YLPM1: variants seen among roughly 807,000 people sequenced by gnomAD.
YLPM1 encodes YLP motif containing 1, also known as YLP motif-containing protein 1.
Under a neutral mutation model 230.0 loss-of-function variants are expected in YLPM1, and 99 were observed. The ratio of observed to expected loss-of-function variants is 0.43; its 90% CI spans 0.37 to 0.51. YLPM1 has a LOEUF of 0.51. Ranked by LOEUF, YLPM1 falls within the 20% of genes least tolerant of loss-of-function variation. YLPM1 has a pLI of 0.00. For synonymous variants in YLPM1, 984 were observed against 942.5 expected, an observed-to-expected ratio of 1.04 and a Z score of -0.81; for missense variants, 2,592 against 2,707.7, an observed-to-expected ratio of 0.96 and a Z score of 0.95.
chr14:74,787,741 A>C (rs1320366919), intron 4 of YLPM1, among the ~76,000 whole-genome samples: 1 of 152,142 alleles, frequency 6.6e-6, no homozygotes, highest in African/African-American at 2.4e-5. Flanking sequence ...GGGGCCGGGC[A>C]TGGTGGCTCA....
intron 17 of YLPM1, among the ~76,000 whole-genome samples, chr14:74,822,467 T>C (rs1199531910): frequency 6.6e-6 from 1 of 152,174 alleles, no homozygotes; most frequent in Admixed American, 6.5e-5. Context: ...ATCAGAGTCA[T>C]GGCAAGGAGG....
Position 74,798,109 on chromosome 14 carries a change from G to C in YLPM1, c.2812G>C (p.Ala938Pro), listed in dbSNP as rs371751409. The C allele has an allele frequency of 6.2e-6, 10 of 1,613,802 alleles. No individual in the cohort carries two copies. In the African/African-American group the frequency reaches 1.2e-4, roughly 19 times the overall value. The change falls in exon 5 of 21, where the codon GCC becomes CCC. Residue 938 changes from alanine to proline, a missense_variant. This residue lies in a region of YLPM1 where 1,862 missense variants were observed against 1,819.8 expected (regional missense o/e 1.02). Coordinates refer to ENST00000325680, the MANE Select transcript of YLPM1 (RefSeq NM_019589.3). ...VQSMETQIDK[A>P]QAVTQPVPLA... is the part of the protein sequence containing the mutation. ...AAGTATGGAGACTCAAATCGACAAA[G>C]CCCAAGCTGTTACTCAGCCTGTACC...
chr14:74,778,055 A>T (rs756832637), intron 1 of YLPM1, among the ~76,000 whole-genome samples: 1 of 152,172 alleles, frequency 6.6e-6, no homozygotes. Context: ...CTGTTCAGTT[A>T]TATTCATTAA....
At position 74,835,930 on chromosome 14, in the gene YLPM1, C is replaced by A. The variant is rs910564406; in HGVS notation, c.*192C>A. On this transcript the variant is annotated 3_prime_UTR_variant, in exon 21 of 21. Transcript: ENST00000325680. ...AGAGGTATTAGAATCTTGCTGTACC[C>A]AAGCAAGACGTTAATTTTTCTTTTA... The A allele has an allele frequency of 6.6e-6, 3 of 451,446 alleles. No individual in the cohort carries two copies. Among genetic ancestry groups the A allele is most frequent in the Non-Finnish European group, 1.3e-5 (3 of 225,452 alleles). 28.0% of individuals were successfully genotyped at this position (451,446 alleles called of 1,614,324 possible).
intron 5 of YLPM1, 107 bp downstream of exon 5, chr14:74,799,804 T>A: frequency 7.1e-7 from 1 of 1,409,040 alleles, no homozygotes; most frequent in Non-Finnish European, 9.3e-7. Flanking sequence ...TTCAAGTTCT[T>A]ATCACATACT....
chr14:74,807,227 G>A (rs963088536), intron 6 of YLPM1, among the ~76,000 whole-genome samples: 1 of 151,906 alleles, frequency 6.6e-6, no homozygotes, highest in African/African-American at 2.4e-5. Context: ...GTATATTGTG[G>A]GCTCTCCAGG....
At chr14:74,788,892 T>A (rs1220895326) in intron 4 of YLPM1, among the ~76,000 whole-genome samples, 1 of 152,330 alleles carries the variant, frequency 6.6e-6, no homozygotes, top group East Asian at 1.9e-4. Context: ...TTACTTTTTC[T>A]TCTTTTATTT....
In YLPM1 at chr14:74,764,110, C is replaced by T. The variant is rs1462402910; in HGVS notation, c.621C>T (p.Tyr207=). The part of the protein sequence containing the change: ...SQSYLAPTPS[Y]SSSSSSSQSY... ...CCTACCTGGCGCCCACCCCTTCTTA[C>T]TCATCCTCCTCCTCTTCCTCGCAAT... The change falls in exon 1 of 21, where the codon TAC becomes TAT. Residue 207 remains tyrosine (Y), a synonymous_variant. Transcript: ENST00000325680. The T allele has an allele frequency of 1.9e-6, 3 of 1,613,414 alleles. No homozygotes were observed. The highest frequency in any genetic ancestry group is 1.3e-5 in the African/African-American group (1 of 74,728).
At chr14:74,767,678 G>T (rs2090926903) in intron 1 of YLPM1, among the ~76,000 whole-genome samples, 1 of 152,214 alleles carries the variant, frequency 6.6e-6, no homozygotes, top group Admixed American at 6.5e-5. Context: ...ACCTAGGTCA[G>T]TCCCTCCTAT....
chr14:74,820,462 G>C (rs1271003736), intron 16 of YLPM1, among the ~76,000 whole-genome samples: 1 of 151,992 alleles, frequency 6.6e-6, no homozygotes, highest in African/African-American at 2.4e-5. Flanking sequence ...TGCCCAGGCT[G>C]GTCTTGAACT....
Position 74,768,040 on chromosome 14 carries a change from T to A in YLPM1, c.873+3678T>A, listed in dbSNP as rs112041544. Among the ~76,000 whole-genome samples, 127 of 152,282 alleles carry A rather than the reference T, an allele frequency of 8.3e-4. 1 individual carries two copies. The highest frequency in any genetic ancestry group is 3.0e-3 in the African/African-American group (123 of 41,558). ...GAAAGACCTTGCCTAAGTAAATTAT[T>A]TCATTAGACAGAGGTTGCAACCTGG... On this transcript the variant is annotated intron_variant, in intron 1 of 20. Coordinates refer to ENST00000325680, the MANE Select transcript of YLPM1 (RefSeq NM_019589.3).
At chr14:74,775,928 A>C (rs1043849212) in intron 1 of YLPM1, among the ~76,000 whole-genome samples, 12 of 152,236 alleles carry the variant, frequency 7.9e-5, no homozygotes, top group Non-Finnish European at 1.6e-4. Flanking sequence ...GCCAGTAATA[A>C]GTTCCAATGT....
chr14:74,791,566 A>G lies in YLPM1; in HGVS notation c.2283-6014A>G, dbSNP rs573097961. On this transcript the variant is annotated intron_variant, in intron 4 of 20. Coordinates refer to ENST00000325680, the MANE Select transcript of YLPM1 (RefSeq NM_019589.3). ...TTCCCTTCTTGCCATTCTTTGCTTTATTTATTCCTATTTTTCCTGCCCTGG... is the reference window on the plus strand; with the variant it reads ...TTCCCTTCTTGCCATTCTTTGCTTTGTTTATTCCTATTTTTCCTGCCCTGG... Among the ~76,000 whole-genome samples, 11 of 152,176 alleles carry G rather than the reference A, an allele frequency of 7.2e-5. No homozygotes were observed. The East Asian group carries it at 2.1e-3, about 29-fold the overall frequency.
intron 1 of YLPM1, among the ~76,000 whole-genome samples, chr14:74,768,106 G>A (rs2090931692): frequency 6.6e-6 from 1 of 151,992 alleles, no homozygotes; most frequent in African/African-American, 2.4e-5. Flanking sequence ...GTTACTATAT[G>A]GAGTTATGTA....
At chr14:74,821,213 G>A (rs983200970) in intron 17 of YLPM1, 76 bp downstream of exon 17, 22 of 1,456,262 alleles carry the variant, frequency 1.5e-5, no homozygotes, top group Non-Finnish European at 2.0e-5. Flanking sequence ...TCAGATCTGT[G>A]GTTAGACAAC....
At position 74,798,532 on chromosome 14, in the gene YLPM1, C is replaced by T. The variant is rs374380781; in HGVS notation, c.3235C>T (p.Arg1079Trp). ...REKMNRGEGS[R>W]DRGLVRPGSS... is the part of the protein sequence containing the mutation. ...GAAGATGAACAGAGGAGAAGGTAGC[C>T]GGGACAGAGGGTTGGTGAGGCCTGG... The change falls in exon 5 of 21, where the codon CGG (arginine) becomes TGG (tryptophan). Residue 1079 changes from arginine (R) to tryptophan (W), a missense_variant. Physicochemically the swap from Arg to Trp is moderately radical, Grantham distance 101 (BLOSUM62 -3). Around this residue, in one of 4 missense-constraint regions of YLPM1, gnomAD observed 1,862 missense variants for 1,819.8 expected, o/e 1.02. Coordinates refer to ENST00000325680, the MANE Select transcript of YLPM1 (RefSeq NM_019589.3). The T allele has an allele frequency of 1.9e-4, 311 of 1,613,784 alleles. No individual in the cohort carries two copies. The highest frequency in any genetic ancestry group is 5.7e-4 in the Admixed American group (34 of 60,002).
Position 74,809,597 on chromosome 14 carries a change from A to C in YLPM1, c.4739A>C (p.Tyr1580Ser). The stretch of plus-strand genomic sequence containing the variant: ...GAACGATGGGATGAAGATTCTTTCT[A>C]TGGGCTCTGGGATACAAATGATGAA... ...EQERWDEDSFYGLWDTNDEQG... is the reference protein window; with the variant it reads ...EQERWDEDSFSGLWDTNDEQG... The change falls in exon 7 of 21, where the codon TAT becomes TCT. Residue 1580 changes from tyrosine to serine, a missense_variant. This residue lies in a region of YLPM1 where 403 missense variants were observed against 426.7 expected (regional missense o/e 0.94). Transcript: ENST00000325680. 1 of 1,613,750 alleles carries C rather than the reference A, an allele frequency of 6.2e-7. No individual in the cohort carries two copies. The highest frequency in any genetic ancestry group is 8.5e-7 in the Non-Finnish European group (1 of 1,179,786).
intron 19 of YLPM1, among the ~76,000 whole-genome samples, chr14:74,830,790 C>T (rs985982264): frequency 6.6e-6 from 1 of 152,100 alleles, no homozygotes; most frequent in Non-Finnish European, 1.5e-5. Context: ...TTTTAACAAC[C>T]AGATCTCACA....
In YLPM1 at chr14:74,764,249, C is replaced by A. The variant is rs370181759; in HGVS notation, c.760C>A (p.Pro254Thr). 44 of 1,613,822 alleles carry A rather than the reference C, an allele frequency of 2.7e-5. No individual in the cohort carries two copies. In the East Asian group the frequency reaches 3.8e-4, roughly 14 times the overall value. Residue 254 changes from proline (P) to threonine (T), a missense_variant, in exon 1 of 21, where the codon CCT (proline) becomes ACT (threonine). By Grantham distance (38) the Pro-to-Thr change is conservative (BLOSUM62 -1). Around this residue, in one of 4 missense-constraint regions of YLPM1, gnomAD observed 1,862 missense variants for 1,819.8 expected, o/e 1.02. Transcript: ENST00000325680. The stretch of plus-strand genomic sequence containing the variant: ...AGCTCCACCACCACCGTCCGCCCCC[C>A]CTGGAAATAAGACAACTGTCCAGCA... ...LLAPPPPSAP[P>T]GNKTTVQQEP... is the part of the protein sequence containing the mutation.
Sources: allele counts gnomAD v4.1 joint callset (sites outside exome capture counted in the v4.1 genomes callset), GRCh38; gene constraint gnomAD v4.1.1; regional missense constraint gnomAD v4.1.1; transcripts MANE v1.5; gene names NCBI Gene and HGNC (gene_info 2026-07-23, HGNC 2026-07-21).